The following HPSE2 variants were observed in gnomAD, a reference collection of about 807,000 sequenced individuals.
The protein encoded by HPSE2 is heparanase 2 (inactive).
HPSE2 carries 38 observed loss-of-function variants against 60.5 expected under a neutral mutation model. The observed-to-expected ratio is 0.63, with a 90% CI of 0.48 to 0.82. The LOEUF (loss-of-function observed/expected upper bound fraction) is 0.82, where lower values mean the gene tolerates loss of function less well. HPSE2 is among the 40% of genes least tolerant of loss of function. The probability of loss-of-function intolerance (pLI) is 0.00; values close to 1 mark genes in which losing one functional copy is unlikely to be tolerated. For missense variants in HPSE2, 713 were observed against 740.4 expected (o/e 0.96, Z 0.43); for synonymous variants, 295 against 293.2 (o/e 1.01, Z -0.06).
intron 5 of HPSE2, among the ~76,000 whole-genome samples, chr10:98,699,144 G>C (rs1251186051): frequency 6.6e-6 from 1 of 151,886 alleles, no homozygotes; most frequent in Admixed American, 6.6e-5. Context: ...CATTTTATGA[G>C]GCCAGCATCA....
chr10:98,740,259 T>G (rs1589743397), intron 4 of HPSE2, among the ~76,000 whole-genome samples: 1 of 151,370 alleles, frequency 6.6e-6, no homozygotes, highest in East Asian at 2.0e-4. Context: ...CACTGCAGCC[T>G]CAACCTCCCA....
intron 3 of HPSE2, among the ~76,000 whole-genome samples, chr10:98,892,565 T>A (rs1953365983): frequency 6.6e-6 from 1 of 152,148 alleles, no homozygotes; most frequent in African/African-American, 2.4e-5. Flanking sequence ...TAAGCAGAAC[T>A]CTCTATTATC....
At chr10:99,223,100 T>C (rs1849365340) in intron 2 of HPSE2, among the ~76,000 whole-genome samples, 1 of 152,148 alleles carries the variant, frequency 6.6e-6, no homozygotes, top group Non-Finnish European at 1.5e-5. Context: ...GAGGCTCCAT[T>C]TAAGCTTGAA....
At chr10:98,961,010 C>T (rs1278267053) in intron 3 of HPSE2, among the ~76,000 whole-genome samples, 17 of 66,430 alleles carry the variant, frequency 2.6e-4, no homozygotes, top group African/African-American at 9.3e-4. Flanking sequence ...TTTGTTCTTG[C>T]GATAGTTTAC....
intron 3 of HPSE2, among the ~76,000 whole-genome samples, chr10:99,047,010 C>T (rs1334622127): frequency 6.6e-6 from 1 of 151,998 alleles, no homozygotes; most frequent in Non-Finnish European, 1.5e-5. Context: ...CCCAAATAGC[C>T]AAAGCAATCC....
intron 4 of HPSE2, among the ~76,000 whole-genome samples, chr10:98,741,079 T>C (rs1949484697): frequency 6.6e-6 from 1 of 152,174 alleles, no homozygotes; most frequent in South Asian, 2.1e-4. Context: ...TGATTATTTA[T>C]CATTAATAAT....
intron 3 of HPSE2, among the ~76,000 whole-genome samples, chr10:98,805,319 C>T (rs1001413801): frequency 6.6e-6 from 1 of 151,710 alleles, no homozygotes; most frequent in Non-Finnish European, 1.5e-5. Context: ...TTAATGGGTT[C>T]AAAAAATAGA....
the HPSE2 span, among the ~76,000 whole-genome samples, chr10:99,260,893 T>C: frequency 2.6e-5 from 4 of 152,198 alleles, no homozygotes; most frequent in Admixed American, 2.0e-4. Context: ...TCTCAAGAAC[T>C]TAAAACCTCT....
At chr10:98,571,990 G>A (rs1467607099) in intron 9 of HPSE2, among the ~76,000 whole-genome samples, 3 of 150,514 alleles carry the variant, frequency 2.0e-5, no homozygotes, top group African/African-American at 7.4e-5. Flanking sequence ...CCAGGCGGGA[G>A]TGCAGTGGCG....
rs1174902644 is a variant in HPSE2, at chr10:98,939,375, A to G, written c.611-195319T>C. ...GAGACACACATAGGCTCAAAATAAAAGGATGGAGGAAGATCTACCAAGCAA... is the reference window on the plus strand; with the variant it reads ...GAGACACACATAGGCTCAAAATAAAGGGATGGAGGAAGATCTACCAAGCAA... On this transcript the variant is annotated intron_variant, in intron 3 of 11. Coordinates refer to ENST00000370552, the MANE Select transcript of HPSE2 (RefSeq NM_021828.5). Among the ~76,000 whole-genome samples the G allele has an allele frequency of 1.9e-4, 27 of 143,652 alleles. 2 individuals are homozygous for G. Among genetic ancestry groups the G allele is most frequent in the East Asian group, 3.9e-4 (2 of 5,080 alleles). The allele number at this position is 143,652 out of a possible 152,430, so 94.2% of individuals were successfully genotyped here.
intron 3 of HPSE2, among the ~76,000 whole-genome samples, chr10:98,803,111 T>A (rs28870690): frequency 2.2e-4 from 33 of 152,010 alleles, no homozygotes; most frequent in South Asian, 2.1e-4. Flanking sequence ...TGGCTGCATA[T>A]ATGTCTTCTT....
chr10:98,557,012 C>A (rs935612222), intron 9 of HPSE2, among the ~76,000 whole-genome samples: 1 of 142,956 alleles, frequency 7.0e-6, no homozygotes, highest in Non-Finnish European at 1.5e-5. Flanking sequence ...GAGATTGAGA[C>A]CATCCTGGCT....
At chr10:99,056,718 C>T (rs1056389246) in intron 3 of HPSE2, among the ~76,000 whole-genome samples, 1 of 151,988 alleles carries the variant, frequency 6.6e-6, no homozygotes, top group South Asian at 2.1e-4. Flanking sequence ...ATTTTATGCC[C>T]TTGGGAGTAG....
intron 3 of HPSE2, among the ~76,000 whole-genome samples, chr10:98,812,473 T>C (rs1951190889): frequency 6.6e-6 from 1 of 152,166 alleles, no homozygotes; most frequent in Non-Finnish European, 1.5e-5. Flanking sequence ...ATGAGTCTGA[T>C]GCAGATGGTC....
intron 3 of HPSE2, among the ~76,000 whole-genome samples, chr10:98,791,894 T>C (rs935033750): frequency 6.6e-6 from 1 of 152,166 alleles, no homozygotes; most frequent in East Asian, 1.9e-4. Context: ...CTAGTTCAAG[T>C]TTTCCACTTA....
intron 9 of HPSE2, among the ~76,000 whole-genome samples, chr10:98,564,113 T>C (rs115622863): frequency 1.3e-3 from 204 of 152,334 alleles, no homozygotes; most frequent in African/African-American, 4.7e-3. Context: ...CAAGGCAGAC[T>C]GCTCTTACCA....
At chr10:99,133,142 C>A (rs71486202) in intron 3 of HPSE2, among the ~76,000 whole-genome samples, 7,154 of 152,290 alleles carry the variant, frequency 0.047, 233 homozygotes, top group Non-Finnish European at 0.071. Flanking sequence ...TCAAACTGGG[C>A]GGAGCCCACT....
chr10:99,167,538 G>A (rs894147242), intron 2 of HPSE2, among the ~76,000 whole-genome samples: 1 of 152,194 alleles, frequency 6.6e-6, no homozygotes, highest in Middle Eastern at 3.4e-3. Flanking sequence ...TTTGCACTGA[G>A]TTGCCTTTGC....
chr10:99,119,025 G>GGAAAAGAAAGAAAGAAAA (rs1436158713), intron 3 of HPSE2, among the ~76,000 whole-genome samples: 2 of 136,406 alleles, frequency 1.5e-5, no homozygotes, highest in South Asian at 4.9e-4. Context: ...AAGAAAGAAA[G>GGAAAAGAAAGAAAGAAAA]GAAAAGAAAG....
Sources: gnomAD v4.1 joint callset for allele counts (sites outside exome capture counted in the v4.1 genomes callset) on GRCh38, gnomAD v4.1.1 for gene constraint, MANE v1.5 for transcripts, NCBI Gene and HGNC (gene_info 2026-07-23, HGNC 2026-07-21) for gene names.